Variants in USP6NL observed in about 807,000 individuals in gnomAD.
USP6NL encodes the protein USP6 N-terminal-like protein.
USP6NL carries 26 observed loss-of-function variants against 61.9 expected under a neutral mutation model. The ratio of observed to expected loss-of-function variants is 0.42; its 90% CI spans 0.31 to 0.58. The LOEUF (loss-of-function observed/expected upper bound fraction) is 0.58. Ranked by LOEUF, USP6NL falls within the 20% of genes least tolerant of loss-of-function variation. USP6NL has a pLI of 0.16. For missense variants in USP6NL, 1,114 were observed against 1,034.3 expected (o/e 1.08, Z -1.06); for synonymous variants, 432 against 390.1 (o/e 1.11, Z -1.27).
chr10:11,528,314 AAG>A lies in USP6NL; in HGVS notation c.5-749_5-748del, dbSNP rs1491016611. Among the ~76,000 whole-genome samples the A allele has an allele frequency of 6.6e-6, 1 of 152,186 alleles. No homozygotes were observed. The highest frequency in any genetic ancestry group is 1.5e-5 in the Non-Finnish European group (1 of 68,034). On this transcript the variant is annotated intron_variant, in intron 2 of 14. Transcript: ENST00000609104. The surrounding 1 kb of genome is among the most constrained non-coding windows in gnomAD (Gnocchi z 4.6). ...AAAGGCTTCTCTTACCAAAAAAAAAAAGCATTCTAAGAGAAAACTAGGCAAAG... is the reference window on the plus strand; with the variant it reads ...AAAGGCTTCTCTTACCAAAAAAAAAACATTCTAAGAGAAAACTAGGCAAAG...
chr10:11,567,037 C>T (rs1424163846), intron 2 of USP6NL, among the ~76,000 whole-genome samples: 1 of 152,146 alleles, frequency 6.6e-6, no homozygotes, highest in Non-Finnish European at 1.5e-5. Context: ...TCACTTGAGC[C>T]GAGGAGTTCA....
intron 2 of USP6NL, among the ~76,000 whole-genome samples, chr10:11,530,299 T>A (rs1835603181): frequency 1.3e-5 from 2 of 152,122 alleles, no homozygotes; most frequent in Admixed American, 6.5e-5. Flanking sequence ...GCATCACAAG[T>A]ATACTTCCAA....
At chr10:11,603,600 C>T (rs1838621411) in intron 1 of USP6NL, among the ~76,000 whole-genome samples, 1 of 152,094 alleles carries the variant, frequency 6.6e-6, no homozygotes, top group Non-Finnish European at 1.5e-5. Context: ...TAATTCCAGG[C>T]CCTATCTTCA....
At chr10:11,493,410 C>T (rs562076842) in intron 7 of USP6NL, among the ~76,000 whole-genome samples, 182 bp from the exon 8 acceptor site, 59 of 152,282 alleles carry the variant, frequency 3.9e-4, no homozygotes, top group South Asian at 1.0e-3. Context: ...CCTCCATTCC[C>T]CCATTTCTCC....
intron 2 of USP6NL, among the ~76,000 whole-genome samples, chr10:11,568,793 C>T (rs528207469): frequency 1.1e-4 from 16 of 152,302 alleles, no homozygotes; most frequent in Middle Eastern, 3.4e-3. Flanking sequence ...CCATGAATTG[C>T]ACTCACATTC....
At chr10:11,565,138 T>C (rs1837086928) in intron 2 of USP6NL, 1 of 152,228 alleles carries the variant, frequency 6.6e-6, no homozygotes, top group Admixed American at 6.5e-5. Flanking sequence ...TACCTGGATG[T>C]CACTATCATA....
intron 2 of USP6NL, among the ~76,000 whole-genome samples, chr10:11,566,384 T>C (rs1047099187): frequency 3.3e-5 from 5 of 152,252 alleles, no homozygotes; most frequent in Non-Finnish European, 5.9e-5. Context: ...TTTGTTTATT[T>C]ACCAAACGCC....
chr10:11,462,071 T>C lies in USP6NL; in HGVS notation c.*370A>G, dbSNP rs1374914744. The C allele has an allele frequency of 4.8e-6, 1 of 208,190 alleles. No individual in the cohort carries two copies. The highest frequency in any genetic ancestry group is 2.3e-5 in the African/African-American group (1 of 43,086). The allele number at this position is 208,190 out of a possible 1,614,324, so 12.9% of individuals were successfully genotyped here. On this transcript the variant is annotated 3_prime_UTR_variant, in exon 15 of 15. Transcript: ENST00000609104. ...CTACATATAGCCTTAAAAATATCTA[T>C]TCTACAGTTTTTTCAGTACTTTGTA...
intron 14 of USP6NL, among the ~76,000 whole-genome samples, chr10:11,471,921 C>CATATGT (rs1832768787): frequency 6.7e-6 from 1 of 148,564 alleles, no homozygotes; most frequent in Non-Finnish European, 1.5e-5. Context: ...CACATGTATA[C>CATATGT]ATATGTAACA....
intron 13 of USP6NL, among the ~76,000 whole-genome samples, chr10:11,484,129 G>C (rs1833358261): frequency 6.6e-6 from 1 of 152,160 alleles, no homozygotes; most frequent in Non-Finnish European, 1.5e-5. Flanking sequence ...TAACCTAAGA[G>C]AGTTGAGTGC....
chr10:11,542,090 A>C (rs1836088663), intron 2 of USP6NL, among the ~76,000 whole-genome samples: 1 of 152,184 alleles, frequency 6.6e-6, no homozygotes, highest in African/African-American at 2.4e-5. Context: ...CTGGCCAATC[A>C]TTAAGTGAAT....
rs1408314762 is a variant in USP6NL at position 11,482,049 on chromosome 10, A to G, written c.926-127T>C. 1 of 923,238 alleles carries G rather than the reference A, an allele frequency of 1.1e-6. No individual in the cohort carries two copies. The allele number at this position is 923,238 out of a possible 1,614,324, so 57.2% of individuals were successfully genotyped here. A position where few individuals can be genotyped will look rare whatever the true frequency, so the allele number is the denominator to read the frequency against. On this transcript the variant is annotated intron_variant, in intron 13 of 14. Coordinates refer to ENST00000609104, the MANE Select transcript of USP6NL (RefSeq NM_014688.5). The surrounding 1 kb of genome is among the most constrained non-coding windows in gnomAD (Gnocchi z 4.0). ...GGCGCAAGCAGCATACAACTTACAT[A>G]TGGCATTGAGGACATCATTAAAACT...
In USP6NL at chr10:11,520,654, C is replaced by A. The variant is rs1566154233; in HGVS notation, c.156-2080G>T. On this transcript the variant is annotated intron_variant, in intron 4 of 14. Transcript: ENST00000609104. This position sits in a 1 kb window ranked among gnomAD's most constrained non-coding sequence, Gnocchi z 5.2. The stretch of plus-strand genomic sequence containing the variant: ...AGAAGGACCACAATCTGGGTGAATG[C>A]AGAGAATTCCTTTAGGTCAGCAAAC... Among the ~76,000 whole-genome samples, 1 of 152,240 alleles carries A rather than the reference C, an allele frequency of 6.6e-6. No homozygotes were observed. The highest frequency in any genetic ancestry group is 1.5e-5 in the Non-Finnish European group (1 of 68,040).
Position 11,474,905 on chromosome 10 carries a change from C to G in USP6NL, c.1078+6865G>C, listed in dbSNP as rs1384141393. ...AGCTGCGGACAGAAAAGTGCTATACCTTACACTAAGGAGTGTGGATGTTCT... is the reference window on the plus strand; with the variant it reads ...AGCTGCGGACAGAAAAGTGCTATACGTTACACTAAGGAGTGTGGATGTTCT... On this transcript the variant is annotated intron_variant, in intron 14 of 14. Transcript: ENST00000609104. The surrounding 1 kb of genome is among the most constrained non-coding windows in gnomAD (Gnocchi z 4.9). Among the ~76,000 whole-genome samples the G allele has an allele frequency of 6.6e-6, 1 of 152,128 alleles. No individual in the cohort carries two copies. The highest frequency in any genetic ancestry group is 1.5e-5 in the Non-Finnish European group (1 of 68,030).
At position 11,481,293 on chromosome 10, in the gene USP6NL, AG is replaced by A. The variant is rs1833187460; in HGVS notation, c.1078+476del. ...CTAGTAGTCAGAAAAACTGGCCTGCAGTCTCAGTAATGCTATTTGTGGTTCT... is the reference window on the plus strand; with the variant it reads ...CTAGTAGTCAGAAAAACTGGCCTGCATCTCAGTAATGCTATTTGTGGTTCT... On this transcript the variant is annotated intron_variant, in intron 14 of 14. Coordinates refer to ENST00000609104, the MANE Select transcript of USP6NL (RefSeq NM_014688.5). This position sits in a 1 kb window ranked among gnomAD's most constrained non-coding sequence, Gnocchi z 4.4. 1.4e-5 allele frequency among the ~76,000 whole-genome samples: 2 copies of A among 146,698 alleles called. No individual in the cohort carries two copies. The highest frequency in any genetic ancestry group is 1.4e-4 in the Admixed American group (2 of 14,410).
chr10:11,514,541 C>A (rs1176614775), intron 5 of USP6NL, among the ~76,000 whole-genome samples: 1 of 152,150 alleles, frequency 6.6e-6, no homozygotes, highest in East Asian at 1.9e-4. Flanking sequence ...GTGGCTTAGA[C>A]TACTTCCCGT....
intron 2 of USP6NL, among the ~76,000 whole-genome samples, chr10:11,571,438 T>C (rs1214984495): frequency 6.6e-6 from 1 of 152,194 alleles, no homozygotes. Context: ...TAAGTTTGTT[T>C]CTATCGCATA....
chr10:11,593,596 T>C (rs1272662671), intron 2 of USP6NL, among the ~76,000 whole-genome samples: 2 of 152,214 alleles, frequency 1.3e-5, no homozygotes, highest in South Asian at 2.1e-4. Context: ...TTTTGTGGAT[T>C]GTAATAAAGT....
intron 2 of USP6NL, among the ~76,000 whole-genome samples, chr10:11,568,852 A>C (rs140451060): frequency 1.3e-5 from 2 of 152,356 alleles, no homozygotes; most frequent in East Asian, 3.9e-4. Context: ...CAACTGTCTC[A>C]GAAGGTAAAA....
Sources: allele counts gnomAD v4.1 joint callset (sites outside exome capture counted in the v4.1 genomes callset), GRCh38; gene constraint gnomAD v4.1.1; non-coding constraint Gnocchi (gnomAD v3.1); transcripts MANE v1.5; gene names NCBI Gene and HGNC (gene_info 2026-07-23, HGNC 2026-07-21).